The following MAMDC2 variants were observed in gnomAD, a reference collection of about 807,000 sequenced individuals.
The protein encoded by MAMDC2 is MAM domain containing 2.
MAMDC2 carries 57 observed loss-of-function variants against 89.8 expected under a neutral mutation model. The observed-to-expected ratio is 0.63, with a 90% confidence interval of 0.51 to 0.79. The LOEUF is 0.79. Among genes scored for constraint, MAMDC2 ranks in the 30% least tolerant of loss-of-function variants. The pLI is 0.00. For missense variants in MAMDC2, 800 were observed against 820.6 expected (o/e 0.97, Z 0.31); for synonymous variants, 313 against 293.4 (o/e 1.07, Z -0.68).
intron 7 of MAMDC2, among the ~76,000 whole-genome samples, chr9:70,132,654 C>T (rs544890029): frequency 2.0e-5 from 3 of 151,990 alleles, no homozygotes; most frequent in East Asian, 3.9e-4. Flanking sequence ...ATATTCCTGT[C>T]TCAGCCTTCT....
intron 2 of MAMDC2, among the ~76,000 whole-genome samples, chr9:70,107,471 G>A (rs1056148237): frequency 6.6e-6 from 1 of 152,136 alleles, no homozygotes; most frequent in Admixed American, 6.6e-5. Context: ...GGATAGAGGA[G>A]AAGGAAGGAC....
chr9:70,122,947 G>A (rs986118500), intron 5 of MAMDC2, among the ~76,000 whole-genome samples: 1 of 152,080 alleles, frequency 6.6e-6, no homozygotes, highest in African/African-American at 2.4e-5. Context: ...CTTGGTCACT[G>A]CCTGGGAGCA....
intron 9 of MAMDC2, among the ~76,000 whole-genome samples, chr9:70,159,976 G>A (rs1350322872): frequency 6.6e-6 from 1 of 151,362 alleles, no homozygotes; most frequent in African/African-American, 2.5e-5. Flanking sequence ...CTTTGGGAGG[G>A]TGAGGCAGAC....
intron 5 of MAMDC2, among the ~76,000 whole-genome samples, chr9:70,120,735 G>T (rs2030246281): frequency 6.6e-6 from 1 of 152,200 alleles, no homozygotes; most frequent in Non-Finnish European, 1.5e-5. Flanking sequence ...ACAGATAGGA[G>T]AAGTCTCACG....
chr9:70,169,220 A>G (rs1935375221), intron 10 of MAMDC2, among the ~76,000 whole-genome samples: 2 of 152,244 alleles, frequency 1.3e-5, no homozygotes. Flanking sequence ...TAAAAATTTT[A>G]ATAAACATTT....
At chr9:70,083,016 T>C (rs1226542577) in intron 2 of MAMDC2, 2 of 152,154 alleles carry the variant, frequency 1.3e-5, no homozygotes, top group Non-Finnish European at 2.9e-5. Context: ...ACACTACCTA[T>C]CATCTGTAAA....
chr9:70,076,601 A>G (rs1827539417), intron 2 of MAMDC2, among the ~76,000 whole-genome samples: 1 of 152,162 alleles, frequency 6.6e-6, no homozygotes, highest in Non-Finnish European at 1.5e-5. Flanking sequence ...TTTCAATTGG[A>G]AAACATGCTG....
chr9:70,152,388 C>T (rs1159292703), intron 9 of MAMDC2, among the ~76,000 whole-genome samples: 1 of 152,138 alleles, frequency 6.6e-6, no homozygotes, highest in Non-Finnish European at 1.5e-5. Context: ...TGAACACTCT[C>T]CAGCACTTCA....
chr9:70,198,148 GTGTGTA>G (rs1587562141), intron 11 of MAMDC2, among the ~76,000 whole-genome samples: 2 of 107,894 alleles, frequency 1.9e-5, no homozygotes, highest in East Asian at 6.7e-4. Context: ...AAAAAGCATA[GTGTGTA>G]TGTGTGTATA....
At chr9:70,210,319 C>T (rs2033326100) in intron 11 of MAMDC2, among the ~76,000 whole-genome samples, 1 of 152,166 alleles carries the variant, frequency 6.6e-6, no homozygotes, top group Non-Finnish European at 1.5e-5. Context: ...CTGGATGCTT[C>T]TGTATTGGGT....
intron 2 of MAMDC2, among the ~76,000 whole-genome samples, chr9:70,102,538 G>A (rs1020980455): frequency 6.6e-6 from 1 of 152,166 alleles, no homozygotes; most frequent in African/African-American, 2.4e-5. Context: ...ATGACTTCAA[G>A]ACTCAGTTAT....
rs1387136755 is a variant in MAMDC2, at chr9:70,166,320, TACACATATATATAC to T, written c.1405-2362_1405-2349del. ...ACACACACACATATATATATATACA[TACACATATATATAC>T]ACACATATATATACACACACACACA... is the stretch of plus-strand genomic sequence containing the variant. On this transcript the variant is annotated intron_variant, in intron 9 of 13. Coordinates refer to ENST00000377182, the MANE Select transcript of MAMDC2 (RefSeq NM_153267.5). 6.2e-4 allele frequency among the ~76,000 whole-genome samples: 91 copies of T among 146,418 alleles called. 1 individual carries two copies. Among genetic ancestry groups the T allele is most frequent in the African/African-American group, 1.9e-3 (75 of 40,080 alleles).
At chr9:70,156,499 G>A (rs1426950260) in intron 9 of MAMDC2, among the ~76,000 whole-genome samples, 2 of 152,154 alleles carry the variant, frequency 1.3e-5, no homozygotes, top group Non-Finnish European at 2.9e-5. Context: ...TGATGTCTGG[G>A]AACACTGGAA....
intron 9 of MAMDC2, among the ~76,000 whole-genome samples, chr9:70,146,328 A>G (rs151020696): frequency 0.011 from 1,687 of 152,304 alleles, 32 homozygotes; most frequent in African/African-American, 0.038. Flanking sequence ...GCACTCAGAA[A>G]GAACTAGTCA....
At chr9:70,195,174 G>A (rs1159369050) in intron 11 of MAMDC2, among the ~76,000 whole-genome samples, 15 of 152,040 alleles carry the variant, frequency 9.9e-5, no homozygotes, top group Non-Finnish European at 1.5e-5. Flanking sequence ...AAAAACTTTT[G>A]TATGACTAAA....
chr9:70,183,069 A>G (rs2032678943), intron 11 of MAMDC2, among the ~76,000 whole-genome samples: 1 of 152,160 alleles, frequency 6.6e-6, no homozygotes, highest in African/African-American at 2.4e-5. Flanking sequence ...ATTGGTTTCA[A>G]AACACATCTT....
At chr9:70,113,838 G>A (rs1036693924) in intron 5 of MAMDC2, 17 of 152,236 alleles carry the variant, frequency 1.1e-4, no homozygotes, top group African/African-American at 3.9e-4. Context: ...TCTCCACGGA[G>A]TGAGAAGCTT....
At chr9:70,064,941 A>T (rs1398293334) in intron 2 of MAMDC2, among the ~76,000 whole-genome samples, 6 of 152,206 alleles carry the variant, frequency 3.9e-5, no homozygotes, top group Admixed American at 2.0e-4. Context: ...AAAATCAAGA[A>T]TATGCCAAGC....
chr9:70,101,601 A>G (rs189158350), intron 2 of MAMDC2, among the ~76,000 whole-genome samples: 35 of 152,334 alleles, frequency 2.3e-4, no homozygotes, highest in Admixed American at 1.8e-3. Context: ...TTGTGTTTCA[A>G]TTGCCTACAG....
Sources: allele counts gnomAD v4.1 joint callset (sites outside exome capture counted in the v4.1 genomes callset), GRCh38; gene constraint gnomAD v4.1.1; transcripts MANE v1.5; gene names NCBI Gene and HGNC (gene_info 2026-07-23, HGNC 2026-07-21).